The following TRPM1 variants were observed in gnomAD, a reference collection of about 807,000 sequenced individuals.
The protein encoded by TRPM1 is TRPM1-203 APA Isoform, Intron 10.
Under a neutral mutation model 149.4 loss-of-function variants are expected in TRPM1, and 113 were observed. The ratio of observed to expected loss-of-function variants is 0.76; its 90% CI spans 0.65 to 0.88. The LOEUF (loss-of-function observed/expected upper bound fraction) is 0.88, where lower values mean the gene tolerates loss of function less well. Ranked by LOEUF, TRPM1 falls within the 40% of genes least tolerant of loss-of-function variation. The pLI is 0.00. For missense variants in TRPM1, 1,976 were observed against 2,038.7 expected (o/e 0.97, Z 0.59); for synonymous variants, 741 against 759.5 (o/e 0.98, Z 0.40).
intron 1 of TRPM1, among the ~76,000 whole-genome samples, chr15:31,087,852 G>C (rs1036644603): frequency 6.6e-6 from 1 of 152,208 alleles, no homozygotes; most frequent in Admixed American, 6.5e-5. Context: ...CCAGGAGCTG[G>C]TGGGAGGGAG....
chr15:31,072,016 TATAGAGAGAGAGAG>T (rs1342653650), intron 3 of TRPM1, among the ~76,000 whole-genome samples: 12 of 30,678 alleles, frequency 3.9e-4, no homozygotes, highest in Non-Finnish European at 6.0e-4. Context: ...TATATATATA[TATAGAGAGAGAGAG>T]AGAGAGAGAG....
chr15:31,045,863 A>G (rs963267161), intron 16 of TRPM1, among the ~76,000 whole-genome samples: 2 of 152,208 alleles, frequency 1.3e-5, no homozygotes, highest in Non-Finnish European at 2.9e-5. Context: ...GGAGGACTCT[A>G]CTTTGATTTA....
At chr15:31,101,179 AAAGT>A (rs2035507409) in intron 1 of TRPM1, among the ~76,000 whole-genome samples, 1 of 152,230 alleles carries the variant, frequency 6.6e-6, no homozygotes, top group Non-Finnish European at 1.5e-5. Context: ...TCCCTGAAGC[AAAGT>A]AAGATGCTAA....
At chr15:31,150,996 A>G (rs1221757468) in intron 1 of TRPM1, among the ~76,000 whole-genome samples, 1 of 152,178 alleles carries the variant, frequency 6.6e-6, no homozygotes. Flanking sequence ...ACCCTATGCA[A>G]ATAAGATGCC....
At chr15:31,120,033 A>C (rs1213904410) in intron 1 of TRPM1, among the ~76,000 whole-genome samples, 1 of 152,184 alleles carries the variant, frequency 6.6e-6, no homozygotes, top group Non-Finnish European at 1.5e-5. Context: ...AATGGCCTAA[A>C]TACACCAACT....
intron 21 of TRPM1, 23 bp from the exon 22 acceptor site, chr15:31,032,963 A>G (rs1412665156): frequency 1.2e-6 from 2 of 1,613,792 alleles, no homozygotes; most frequent in East Asian, 2.2e-5. Context: ...CCCAAAGAAC[A>G]ATAAACTGAG....
Position 31,035,652 on chromosome 15 carries a change from AG to A in TRPM1, c.2593del (p.Leu865CysfsTer27). On this transcript the variant is annotated frameshift_variant, in exon 21 of 28. Transcript: ENST00000256552. LOFTEE classifies it high-confidence loss of function. ...CACCAGGATGACGTAGTTAAACAGCAGCAGGTAGCCCAAGTATGATATCTGA... is the reference window on the plus strand; with the variant it reads ...CACCAGGATGACGTAGTTAAACAGCACAGGTAGCCCAAGTATGATATCTGA... The part of the protein sequence containing the change: ...FYTISYLGYL[L>X]LFNYVILVRM... 3 of 1,614,244 alleles carry A rather than the reference AG, an allele frequency of 1.9e-6. No individual in the cohort carries two copies. Among genetic ancestry groups the A allele is most frequent in the Non-Finnish European group, 2.5e-6 (3 of 1,180,038 alleles).
chr15:31,159,039 G>A (rs563477618), intron 1 of TRPM1, among the ~76,000 whole-genome samples: 5 of 152,060 alleles, frequency 3.3e-5, no homozygotes, highest in South Asian at 2.1e-4. Flanking sequence ...AAATGGAGTC[G>A]CTCTGGTTCA....
chr15:31,128,247 A>G (rs969588661), intron 1 of TRPM1, among the ~76,000 whole-genome samples: 1 of 152,146 alleles, frequency 6.6e-6, no homozygotes, highest in African/African-American at 2.4e-5. Flanking sequence ...CTATCAATCA[A>G]TGTTCAATAG....
intron 1 of TRPM1, among the ~76,000 whole-genome samples, chr15:31,116,624 A>AATAAATAAATAG (rs2035801040): frequency 6.6e-6 from 1 of 151,550 alleles, no homozygotes; most frequent in Admixed American, 6.6e-5. Flanking sequence ...TAAATAAATA[A>AATAAATAAATAG]ATAAATAAAT....
upstream of TRPM1, chr15:31,101,834 T>C (rs1003161838): frequency 1.4e-5 from 8 of 573,206 alleles, no homozygotes; most frequent in Admixed American, 2.5e-4. Context: ...CCCCATGACC[T>C]GACTCCCAGG....
chr15:31,121,204 G>A (rs1263055414), intron 1 of TRPM1, among the ~76,000 whole-genome samples: 13 of 122,354 alleles, frequency 1.1e-4, no homozygotes, highest in East Asian at 4.3e-4. Context: ...TGACCTGGGC[G>A]CAGAGCAAGA....
intron 1 of TRPM1, among the ~76,000 whole-genome samples, chr15:31,096,885 T>A (rs1306573635): frequency 6.6e-6 from 1 of 152,154 alleles, no homozygotes; most frequent in Non-Finnish European, 1.5e-5. Context: ...CCTCAGGGAC[T>A]GTGATGTTTG....
chr15:31,104,123 G>A (rs114810880), upstream of TRPM1, among the ~76,000 whole-genome samples: 1,209 of 152,260 alleles, frequency 7.9e-3, 22 homozygotes, highest in African/African-American at 0.028. Flanking sequence ...CGTGAAGGGT[G>A]GATACTGACC....
chr15:31,107,644 T>G (rs1355396535), intron 1 of TRPM1, among the ~76,000 whole-genome samples: 1 of 152,026 alleles, frequency 6.6e-6, no homozygotes, highest in Non-Finnish European at 1.5e-5. Flanking sequence ...AAGTTGAAGG[T>G]TAGGTTATTT....
intron 11 of TRPM1, among the ~76,000 whole-genome samples, chr15:31,058,767 G>T (rs144747684): frequency 1.3e-5 from 2 of 152,186 alleles, no homozygotes; most frequent in Admixed American, 1.3e-4. Context: ...ACTCTTTACC[G>T]TCATAAAGGT....
chr15:31,132,181 CCAA>C (rs1449078332), intron 1 of TRPM1, among the ~76,000 whole-genome samples: 5 of 152,224 alleles, frequency 3.3e-5, no homozygotes, highest in Non-Finnish European at 7.3e-5. Context: ...CGGGTTGACC[CCAA>C]GGTTGGGCAC....
intron 1 of TRPM1, among the ~76,000 whole-genome samples, chr15:31,088,407 T>G (rs879476230): frequency 2.6e-5 from 4 of 152,196 alleles, no homozygotes; most frequent in Non-Finnish European, 5.9e-5. Flanking sequence ...AAGCAGAAAG[T>G]GTCTGGGTTG....
rs376701394 is a variant in TRPM1 at position 31,066,120 on chromosome 15, C to T, written c.746G>A (p.Arg249Gln). The change falls in exon 7 of 28, where the codon CGA becomes CAA. Residue 249 changes from arginine (R) to glutamine (Q), a missense_variant. By Grantham distance (43) the Arg-to-Gln change is conservative. This residue lies in a region of TRPM1 where 1,332 missense variants were observed against 1,347.1 expected (regional missense o/e 0.99). Coordinates refer to ENST00000256552, the MANE Select transcript of TRPM1 (RefSeq NM_001252024.2). Reference protein sequence around the residue: ...LGKYGAEVKLRRLLEKHISLQ... With the variant: ...LGKYGAEVKLQRLLEKHISLQ... The stretch of plus-strand genomic sequence containing the variant: ...GGAGATGTGCTTTTCCAGCAGCCTT[C>T]GCAGCTTCACCTCGGCGCCATACTT... 66 of 1,614,056 alleles carry T rather than the reference C, an allele frequency of 4.1e-5. No homozygotes were observed. Among genetic ancestry groups the T allele is most frequent in the Non-Finnish European group, 4.8e-5 (57 of 1,180,022 alleles).
Sources: gnomAD v4.1 joint callset for allele counts (sites outside exome capture counted in the v4.1 genomes callset) on GRCh38, gnomAD v4.1.1 for gene constraint, gnomAD v4.1.1 regional missense constraint, MANE v1.5 for transcripts, NCBI Gene and HGNC (gene_info 2026-07-23, HGNC 2026-07-21) for gene names.